Variants in UNC13C observed in about 807,000 individuals in gnomAD.
UNC13C encodes protein unc-13 homolog C.
Under a neutral mutation model 245.4 loss-of-function variants are expected in UNC13C, and 174 were observed. The observed-to-expected ratio is 0.71, with a 90% confidence interval of 0.63 to 0.80. The LOEUF is 0.80. Ranked by LOEUF, UNC13C falls within the 30% of genes least tolerant of loss-of-function variation. The probability of loss-of-function intolerance (pLI) is 0.00; values close to 1 mark genes in which losing one functional copy is unlikely to be tolerated. For missense variants in UNC13C, 2,829 were observed against 2,602.9 expected, an observed-to-expected ratio of 1.09 and a Z score of -1.89; for synonymous variants, 992 against 895.1, an observed-to-expected ratio of 1.11 and a Z score of -1.93.
chr15:53,965,717 T>G, the UNC13C span, among the ~76,000 whole-genome samples: 2 of 151,680 alleles, frequency 1.3e-5, no homozygotes, highest in African/African-American at 4.8e-5. Context: ...CCCTCCCCAC[T>G]CCCCCTACCC....
At chr15:54,475,048 C>T (rs1031441288) in intron 19 of UNC13C, among the ~76,000 whole-genome samples, 2 of 151,962 alleles carry the variant, frequency 1.3e-5, no homozygotes, top group East Asian at 1.9e-4. Context: ...CTACCTACAA[C>T]ATTAGGGATC....
chr15:54,502,900 G>A (rs1037865739), intron 22 of UNC13C, among the ~76,000 whole-genome samples: 1 of 152,058 alleles, frequency 6.6e-6, no homozygotes, highest in Non-Finnish European at 1.5e-5. Flanking sequence ...CCTAGACCCT[G>A]AGCTGCAGCC....
intron 19 of UNC13C, among the ~76,000 whole-genome samples, chr15:54,480,013 TG>T (rs1893013705): frequency 6.6e-6 from 1 of 152,180 alleles, no homozygotes; most frequent in Admixed American, 6.6e-5. Context: ...TCTCCTGGCC[TG>T]TAAGCTTTCT....
intron 17 of UNC13C, among the ~76,000 whole-genome samples, chr15:54,383,934 A>G (rs556569263): frequency 1.3e-5 from 2 of 152,262 alleles, no homozygotes; most frequent in South Asian, 4.1e-4. Context: ...AAAAATACCT[A>G]GGAATAAATT....
chr15:54,128,275 T>C (rs543765146), intron 2 of UNC13C, among the ~76,000 whole-genome samples: 1 of 152,296 alleles, frequency 6.6e-6, no homozygotes, highest in South Asian at 2.1e-4. Context: ...CAGAAATAAA[T>C]GGAAAAACAT....
chr15:54,596,374 T>C (rs892743062), intron 30 of UNC13C, among the ~76,000 whole-genome samples: 1 of 152,196 alleles, frequency 6.6e-6, no homozygotes, highest in South Asian at 2.1e-4. Context: ...AGCTTTGTTG[T>C]TTTTACTTTT....
At chr15:54,302,098 G>A (rs997136685) in intron 13 of UNC13C, among the ~76,000 whole-genome samples, 1 of 152,150 alleles carries the variant, frequency 6.6e-6, no homozygotes, top group African/African-American at 2.4e-5. Flanking sequence ...CTTTTGAGAA[G>A]TGTAAGTACA....
intron 17 of UNC13C, among the ~76,000 whole-genome samples, chr15:54,357,140 A>T (rs2039114328): frequency 6.6e-6 from 1 of 152,084 alleles, no homozygotes; most frequent in Non-Finnish European, 1.5e-5. Context: ...GATTATTTTT[A>T]AAAATCTCAT....
intron 17 of UNC13C, among the ~76,000 whole-genome samples, chr15:54,341,989 A>G (rs2038744846): frequency 6.6e-6 from 1 of 151,710 alleles, no homozygotes. Context: ...AAAAAAAAAA[A>G]AAGTAGTATT....
At chr15:53,904,575 C>T in the UNC13C span, among the ~76,000 whole-genome samples, 2 of 152,204 alleles carry the variant, frequency 1.3e-5, no homozygotes, top group South Asian at 2.1e-4. Context: ...ATTACTTTCA[C>T]AAAGTAATAT....
At chr15:54,359,123 T>TAA (rs2039168418) in intron 17 of UNC13C, among the ~76,000 whole-genome samples, 1 of 152,026 alleles carries the variant, frequency 6.6e-6, no homozygotes, top group South Asian at 2.1e-4. Flanking sequence ...TATGATGTAT[T>TAA]ACGTTTATTG....
At chr15:54,376,841 T>A (rs1231476085) in intron 17 of UNC13C, among the ~76,000 whole-genome samples, 1 of 152,138 alleles carries the variant, frequency 6.6e-6, no homozygotes, top group Non-Finnish European at 1.5e-5. Context: ...CAGAAAGACT[T>A]GCTGTTCACC....
intron 2 of UNC13C, among the ~76,000 whole-genome samples, chr15:54,028,940 A>T (rs1896240339): frequency 6.6e-6 from 1 of 152,112 alleles, no homozygotes; most frequent in African/African-American, 2.4e-5. Context: ...TAAAAGATGA[A>T]TTTTCAGCCA....
At chr15:54,231,497 C>A (rs1295089817) in intron 4 of UNC13C, among the ~76,000 whole-genome samples, 1 of 151,410 alleles carries the variant, frequency 6.6e-6, no homozygotes, top group African/African-American at 2.4e-5. Context: ...TTGAAGGATT[C>A]TGTCTTCATT....
intron 25 of UNC13C, among the ~76,000 whole-genome samples, chr15:54,527,381 TA>T (rs1234838798): frequency 1.3e-5 from 2 of 152,046 alleles, no homozygotes; most frequent in African/African-American, 4.8e-5. Flanking sequence ...TTAGCAAAGT[TA>T]GGGGGAGGAA....
intron 28 of UNC13C, among the ~76,000 whole-genome samples, chr15:54,554,838 C>A (rs942872555): frequency 1.3e-5 from 2 of 151,724 alleles, no homozygotes; most frequent in Non-Finnish European, 2.9e-5. Flanking sequence ...CAGTGAACAA[C>A]GAAGAAATTC....
At chr15:54,505,744 C>CGTTTTT in intron 22 of UNC13C, among the ~76,000 whole-genome samples, 1 of 129,858 alleles carries the variant, frequency 7.7e-6, no homozygotes. Flanking sequence ...AAGCTATATT[C>CGTTTTT]TTTTTTTTTT....
chr15:54,300,501 T>C (rs1402848679), intron 13 of UNC13C, 128 bp downstream of exon 13: 2 of 936,092 alleles, frequency 2.1e-6, no homozygotes, highest in Non-Finnish European at 1.5e-6. Context: ...CTGTGCATGT[T>C]TGATGCTGAC....
chr15:54,281,998 G>T (rs2037009410), intron 10 of UNC13C, among the ~76,000 whole-genome samples: 1 of 152,072 alleles, frequency 6.6e-6, no homozygotes, highest in Non-Finnish European at 1.5e-5. Flanking sequence ...CTCAGCAGGT[G>T]GTTTCTTTTT....
Sources: gnomAD v4.1 joint callset for allele counts (sites outside exome capture counted in the v4.1 genomes callset) on GRCh38, gnomAD v4.1.1 for gene constraint, MANE v1.5 for transcripts, NCBI Gene and HGNC (gene_info 2026-07-23, HGNC 2026-07-21) for gene names.